NCKAP5: variants seen among roughly 807,000 people sequenced by gnomAD.
NCKAP5 encodes the protein NCK associated protein 5, also known as nck-associated protein 5.
In NCKAP5, 92 loss-of-function variants were observed where a neutral mutation model predicts 167.0. That is an observed-to-expected ratio of 0.55 (90% CI 0.47 to 0.66). The LOEUF is 0.66. Among genes scored for constraint, NCKAP5 ranks in the 30% least tolerant of loss-of-function variants. The pLI is 0.00. For synonymous variants in NCKAP5, 891 were observed against 877.4 expected, an observed-to-expected ratio of 1.02 and a Z score of -0.27; for missense variants, 2,378 against 2,315.0, an observed-to-expected ratio of 1.03 and a Z score of -0.56.
chr2:132,791,318 T>C (rs1684053367), intron 12 of NCKAP5, among the ~76,000 whole-genome samples: 1 of 152,234 alleles, frequency 6.6e-6, no homozygotes, highest in Non-Finnish European at 1.5e-5. Context: ...CTTGTTACCA[T>C]TTGGCTATCC....
chr2:132,983,520 G>A (rs2077200717), intron 7 of NCKAP5, among the ~76,000 whole-genome samples: 1 of 152,122 alleles, frequency 6.6e-6, no homozygotes, highest in Non-Finnish European at 1.5e-5. Context: ...TTTTAATCAT[G>A]AGGGATATTA....
intron 16 of NCKAP5, among the ~76,000 whole-genome samples, chr2:132,762,715 C>G (rs1681112626): frequency 6.6e-6 from 1 of 152,244 alleles, no homozygotes; most frequent in African/African-American, 2.4e-5. Flanking sequence ...ATCCTTCCTT[C>G]TACCACTTCT....
intron 3 of NCKAP5, among the ~76,000 whole-genome samples, chr2:133,510,118 CT>C (rs2151419904): frequency 6.6e-6 from 1 of 152,278 alleles, no homozygotes; most frequent in East Asian, 1.9e-4. Context: ...CCAGAATCTC[CT>C]CAGGGGAAAT....
rs556989832 is a variant in NCKAP5, at chr2:132,678,692, T to C, written c.5714-5387A>G. ...GATAGCACTATTATCATCCCCATTA[T>C]ACAAATGAGAAAATGCAGATAGCGA... On this transcript the variant is annotated intron_variant, in intron 19 of 19. Coordinates refer to ENST00000409261, the MANE Select transcript of NCKAP5 (RefSeq NM_207363.3). Among the ~76,000 whole-genome samples the C allele has an allele frequency of 1.1e-4, 17 of 152,264 alleles. No individual in the cohort carries two copies. The South Asian group carries it at 3.1e-3, about 28-fold the overall frequency.
At chr2:133,180,254 T>C (rs1017144206) in intron 5 of NCKAP5, among the ~76,000 whole-genome samples, 1 of 152,116 alleles carries the variant, frequency 6.6e-6, no homozygotes. Context: ...TCAAGACATC[T>C]CAAATAAAGG....
At chr2:132,965,904 TTG>T (rs60589235) in intron 7 of NCKAP5, among the ~76,000 whole-genome samples, 2,387 of 140,112 alleles carry the variant, frequency 0.017, 21 homozygotes, top group East Asian at 0.016. Context: ...ACATGACTCT[TTG>T]TGTGTGTGTG....
At chr2:133,136,875 C>T (rs967014285) in intron 5 of NCKAP5, among the ~76,000 whole-genome samples, 2 of 152,204 alleles carry the variant, frequency 1.3e-5, no homozygotes, top group African/African-American at 4.8e-5. Flanking sequence ...AATGTGCACT[C>T]AAACATCTTA....
chr2:132,912,892 G>T (rs1694564587), intron 8 of NCKAP5, among the ~76,000 whole-genome samples: 1 of 151,986 alleles, frequency 6.6e-6, no homozygotes, highest in African/African-American at 2.4e-5. Flanking sequence ...TCTGTGCTTT[G>T]AAATGATATA....
chr2:132,903,911 A>G (rs1281460022), intron 8 of NCKAP5, among the ~76,000 whole-genome samples: 2 of 152,142 alleles, frequency 1.3e-5, no homozygotes, highest in African/African-American at 2.4e-5. Flanking sequence ...GGTATAAAAT[A>G]TACATTGTAT....
chr2:132,972,474 C>T (rs207462388), intron 7 of NCKAP5, among the ~76,000 whole-genome samples: 1 of 152,096 alleles, frequency 6.6e-6, no homozygotes, highest in Non-Finnish European at 1.5e-5. Flanking sequence ...ACCTGTAATC[C>T]CAGCACTTTG....
At chr2:132,872,878 G>A (rs1011023760) in intron 9 of NCKAP5, among the ~76,000 whole-genome samples, 6 of 152,160 alleles carry the variant, frequency 3.9e-5, no homozygotes, top group Non-Finnish European at 8.8e-5. Context: ...CTCATACACT[G>A]ACATGCGCAG....
At chr2:133,330,522 T>C (rs1682784538) in intron 3 of NCKAP5, among the ~76,000 whole-genome samples, 1 of 151,568 alleles carries the variant, frequency 6.6e-6, no homozygotes, top group African/African-American at 2.4e-5. Flanking sequence ...AAAGAAAAAA[T>C]AGTTTGCAAA....
In NCKAP5 at chr2:133,275,693, T is replaced by TA. The variant is rs549459778; in HGVS notation, c.143+27343dup. Among the ~76,000 whole-genome samples, 288 of 151,632 alleles carry TA rather than the reference T, an allele frequency of 1.9e-3. 1 individual carries two copies. Among genetic ancestry groups the TA allele is most frequent in the African/African-American group, 6.7e-3 (276 of 41,344 alleles). On this transcript the variant is annotated intron_variant, in intron 4 of 19. Coordinates refer to ENST00000409261, the MANE Select transcript of NCKAP5 (RefSeq NM_207363.3). ...CCTATGCACGTGTATCAATGAAAAT[T>TA]AAAAAATATAAATAAAATTTCAGCT... is the stretch of plus-strand genomic sequence containing the variant.
chr2:132,924,976 G>A (rs1191507200), intron 8 of NCKAP5, among the ~76,000 whole-genome samples: 1 of 152,144 alleles, frequency 6.6e-6, no homozygotes, highest in Non-Finnish European at 1.5e-5. Context: ...ATGGCACCTT[G>A]TGATTTAGAA....
intron 7 of NCKAP5, among the ~76,000 whole-genome samples, chr2:132,982,871 A>AT (rs1268729266): frequency 6.6e-6 from 1 of 152,128 alleles, no homozygotes; most frequent in Non-Finnish European, 1.5e-5. Flanking sequence ...GCTGGGTAGT[A>AT]TTCTGTGGTG....
At chr2:133,066,602 A>G (rs897800022) in intron 6 of NCKAP5, among the ~76,000 whole-genome samples, 2 of 152,160 alleles carry the variant, frequency 1.3e-5, no homozygotes, top group Non-Finnish European at 1.5e-5. Context: ...GCTGAGTGCC[A>G]TATGTTCCAT....
At chr2:133,003,160 T>C (rs1310853215) in intron 6 of NCKAP5, among the ~76,000 whole-genome samples, 1 of 152,188 alleles carries the variant, frequency 6.6e-6, no homozygotes, top group Non-Finnish European at 1.5e-5. Flanking sequence ...GGCAGACTAA[T>C]CTCTGCCAAG....
At chr2:132,872,034 A>G (rs1010154447) in intron 9 of NCKAP5, among the ~76,000 whole-genome samples, 3 of 152,366 alleles carry the variant, frequency 2.0e-5, no homozygotes, top group South Asian at 4.1e-4. Flanking sequence ...TCACACACCC[A>G]TAGGCCCAGC....
At chr2:133,603,118 G>A in the NCKAP5 span, among the ~76,000 whole-genome samples, 1 of 152,062 alleles carries the variant, frequency 6.6e-6, no homozygotes, top group Non-Finnish European at 1.5e-5. Context: ...TGAGGCAGGA[G>A]GTGAACTACA....
Sources: allele counts gnomAD v4.1 joint callset (sites outside exome capture counted in the v4.1 genomes callset), GRCh38; gene constraint gnomAD v4.1.1; transcripts MANE v1.5; gene names NCBI Gene and HGNC (gene_info 2026-07-23, HGNC 2026-07-21).